Variants in MICAL3 observed in about 807,000 individuals in gnomAD.
MICAL3 encodes the protein microtubule associated monooxygenase, calponin and LIM domain containing 3, also known as [F-actin]-monooxygenase MICAL3.
A neutral mutation model predicts 207.4 loss-of-function variants in MICAL3; 62 were observed. The observed-to-expected ratio is 0.30, with a 90% CI of 0.24 to 0.37. The LOEUF is 0.37. Ranked by LOEUF, MICAL3 falls within the 10% of genes least tolerant of loss-of-function variation. MICAL3 has a pLI of 1.00. For synonymous variants in MICAL3, 1,077 were observed against 1,069.3 expected (o/e 1.01, Z -0.14); for missense variants, 2,368 against 2,635.6 (o/e 0.90, Z 2.22).
At chr22:17,897,613 A>T (rs935581569) in intron 7 of MICAL3, among the ~76,000 whole-genome samples, 1 of 152,038 alleles carries the variant, frequency 6.6e-6, no homozygotes, top group African/African-American at 2.4e-5. Flanking sequence ...TTGTGAACTG[A>T]AAGGGCATTT....
intron 19 of MICAL3, chr22:17,862,753 G>C (rs528625663): frequency 8.1e-6 from 8 of 985,378 alleles, no homozygotes; most frequent in Non-Finnish European, 9.6e-6. Context: ...CGGGAGGCAA[G>C]GTGCCCTGAT....
intron 29 of MICAL3, among the ~76,000 whole-genome samples, chr22:17,806,592 A>G (rs1390268419): frequency 6.6e-6 from 1 of 152,228 alleles, no homozygotes; most frequent in African/African-American, 2.4e-5. Flanking sequence ...GTTGTCACTT[A>G]TAGCAACTAC....
At chr22:17,979,175 A>G (rs903213270) in intron 1 of MICAL3, among the ~76,000 whole-genome samples, 3 of 152,092 alleles carry the variant, frequency 2.0e-5, no homozygotes, top group African/African-American at 7.2e-5. Flanking sequence ...CCCTGTCTAA[A>G]AAAACCCTGA....
intron 19 of MICAL3, among the ~76,000 whole-genome samples, chr22:17,846,256 C>T (rs1403422666): frequency 6.6e-6 from 1 of 152,224 alleles, no homozygotes; most frequent in Non-Finnish European, 1.5e-5. Context: ...CGGAAGCACA[C>T]TGGCAGGCCA....
chr22:17,962,820 C>T (rs1255606192), intron 1 of MICAL3, among the ~76,000 whole-genome samples: 1 of 152,148 alleles, frequency 6.6e-6, no homozygotes, highest in Non-Finnish European at 1.5e-5. Flanking sequence ...GTGACAAACA[C>T]TTGTTTTTCT....
chr22:17,893,477 T>C (rs1423006334), intron 11 of MICAL3, among the ~76,000 whole-genome samples: 1 of 152,006 alleles, frequency 6.6e-6, no homozygotes, highest in African/African-American at 2.4e-5. Flanking sequence ...TCTCCCTCTC[T>C]CCCCTCTGCC....
chr22:18,013,336 A>G (rs1479575138), intron 1 of MICAL3, among the ~76,000 whole-genome samples: 4 of 152,236 alleles, frequency 2.6e-5, no homozygotes, highest in Non-Finnish European at 4.4e-5. Flanking sequence ...TTACAATCAG[A>G]AAGCCCTAGA....
intron 1 of MICAL3, among the ~76,000 whole-genome samples, chr22:18,006,817 G>A (rs1159100987): frequency 6.6e-6 from 1 of 152,170 alleles, no homozygotes; most frequent in African/African-American, 2.4e-5. Flanking sequence ...TGGGCAACAA[G>A]AGCGAAACTC....
chr22:18,021,425 A>C (rs67016185), intron 1 of MICAL3, among the ~76,000 whole-genome samples: 1 of 152,074 alleles, frequency 6.6e-6, no homozygotes, highest in Non-Finnish European at 1.5e-5. Flanking sequence ...CAGCCAAGAG[A>C]GTGAAGCATG....
intron 1 of MICAL3, among the ~76,000 whole-genome samples, chr22:17,932,590 G>A (rs549671618): frequency 3.4e-4 from 51 of 152,226 alleles, no homozygotes; most frequent in African/African-American, 1.1e-3. Context: ...AATAACCAGC[G>A]AACATCATAA....
intron 1 of MICAL3, chr22:18,007,417 T>A (rs1036324278): frequency 1.3e-5 from 2 of 152,072 alleles, no homozygotes; most frequent in Non-Finnish European, 2.9e-5. Context: ...TCTACATTAC[T>A]TAAAACATGA....
intron 10 of MICAL3, among the ~76,000 whole-genome samples, chr22:17,894,413 AAAAAG>A (rs1182138796): frequency 6.6e-6 from 1 of 151,724 alleles, no homozygotes; most frequent in Non-Finnish European, 1.5e-5. Context: ...AAAAAAAAGA[AAAAAG>A]AAAAGAGAGA....
At chr22:17,876,840 G>A (rs1482014799) in intron 16 of MICAL3, 11 of 143,878 alleles carry the variant, frequency 7.6e-5, no homozygotes, top group African/African-American at 3.1e-4. Context: ...GGAGGTTAGG[G>A]AGGTTAGGGA....
chr22:17,810,149 A>T (rs1300317101), intron 28 of MICAL3, among the ~76,000 whole-genome samples: 1 of 140,812 alleles, frequency 7.1e-6, no homozygotes, highest in Non-Finnish European at 1.5e-5. Context: ...TGCAAGCTCC[A>T]CTTGCTGGGT....
chr22:17,882,988 C>T (rs958706262), intron 16 of MICAL3, among the ~76,000 whole-genome samples: 11 of 152,176 alleles, frequency 7.2e-5, no homozygotes, highest in Admixed American at 1.3e-4. Context: ...CAGCCACAAC[C>T]ACCTGTTCCC....
chr22:17,886,938 A>C (rs893240311), intron 15 of MICAL3, among the ~76,000 whole-genome samples: 1 of 138,024 alleles, frequency 7.2e-6, no homozygotes, highest in Non-Finnish European at 1.5e-5. Flanking sequence ...CAGTGAGCCC[A>C]GATCGTGCCA....
At chr22:17,940,463 T>C (rs1295911724) in intron 1 of MICAL3, among the ~76,000 whole-genome samples, 1 of 152,140 alleles carries the variant, frequency 6.6e-6, no homozygotes, top group Non-Finnish European at 1.5e-5. Flanking sequence ...AAACTGATTC[T>C]GATGAAGGCT....
chr22:17,959,012 T>TTG (rs1934768769), intron 1 of MICAL3, among the ~76,000 whole-genome samples: 1 of 61,882 alleles, frequency 1.6e-5, no homozygotes. Context: ...GGCCTGGGGT[T>TTG]TTTTTTTTTT....
chr22:17,899,570 G>T, intron 6 of MICAL3, 22 bp from the exon 7 acceptor site: 1 of 1,482,428 alleles, frequency 6.7e-7, no homozygotes. Context: ...AGACAAACGT[G>T]TGCATGTAAG....
Sources: gnomAD v4.1 joint callset for allele counts (sites outside exome capture counted in the v4.1 genomes callset) on GRCh38, gnomAD v4.1.1 for gene constraint, MANE v1.5 for transcripts, NCBI Gene and HGNC (gene_info 2026-07-23, HGNC 2026-07-21) for gene names.